MARCHF1: variants seen among roughly 807,000 people sequenced by gnomAD.
MARCHF1 encodes the protein E3 ubiquitin-protein ligase MARCHF1.
MARCHF1 carries 40 observed loss-of-function variants against 54.2 expected under a neutral mutation model. The observed-to-expected ratio is 0.74, with a 90% CI of 0.57 to 0.96. The LOEUF (loss-of-function observed/expected upper bound fraction) is 0.96. MARCHF1 is among the 40% of genes least tolerant of loss of function. The pLI, the probability that MARCHF1 is intolerant of heterozygous loss-of-function variation, is 0.00. For synonymous variants in MARCHF1, 236 were observed against 236.3 expected, an observed-to-expected ratio of 1.00 and a Z score of 0.01; for missense variants, 586 against 656.5, an observed-to-expected ratio of 0.89 and a Z score of 1.17.
At chr4:164,159,933 G>A (rs1579583497) in intron 1 of MARCHF1, among the ~76,000 whole-genome samples, 1 of 152,092 alleles carries the variant, frequency 6.6e-6, no homozygotes, top group African/African-American at 2.4e-5. Context: ...GACATTCAGT[G>A]TTCTGACCTA....
At chr4:163,906,983 AAT>A (rs1751083150) in intron 3 of MARCHF1, among the ~76,000 whole-genome samples, 1 of 152,068 alleles carries the variant, frequency 6.6e-6, no homozygotes, top group Non-Finnish European at 1.5e-5. Flanking sequence ...AATTGTGTTT[AAT>A]ATGTGTGAAC....
chr4:164,176,968 C>CCATATATA (rs1201114627), intron 1 of MARCHF1, among the ~76,000 whole-genome samples: 8 of 43,334 alleles, frequency 1.8e-4, no homozygotes, highest in African/African-American at 7.4e-4. Flanking sequence ...CTCTCTCTCT[C>CCATATATA]TCTCTCTCTC....
chr4:164,006,159 G>C (rs531205528), intron 2 of MARCHF1, among the ~76,000 whole-genome samples: 3 of 152,118 alleles, frequency 2.0e-5, no homozygotes, highest in Non-Finnish European at 4.4e-5. Flanking sequence ...TAAATTGTAA[G>C]TTCTCTGAAA....
chr4:164,198,880 C>T (rs891935182), intron 1 of MARCHF1, among the ~76,000 whole-genome samples: 1 of 152,096 alleles, frequency 6.6e-6, no homozygotes, highest in African/African-American at 2.4e-5. Context: ...GAAACTCTTA[C>T]TATAAGAATA....
At chr4:163,571,287 C>A (rs1034040891) in intron 8 of MARCHF1, among the ~76,000 whole-genome samples, 1 of 152,154 alleles carries the variant, frequency 6.6e-6, no homozygotes, top group African/African-American at 2.4e-5. Context: ...TTTTCCAACT[C>A]CCTCCCTCCA....
At chr4:163,688,535 T>C (rs1317236241) in intron 5 of MARCHF1, among the ~76,000 whole-genome samples, 1 of 152,156 alleles carries the variant, frequency 6.6e-6, no homozygotes, top group Non-Finnish European at 1.5e-5. Context: ...TTTCTTAAAA[T>C]AAGTGAAAAA....
intron 4 of MARCHF1, among the ~76,000 whole-genome samples, chr4:163,793,781 G>A (rs1561080616): frequency 6.6e-6 from 1 of 152,104 alleles, no homozygotes; most frequent in Non-Finnish European, 1.5e-5. Flanking sequence ...CTAATTACCG[G>A]TGCATGCAGC....
intron 1 of MARCHF1, among the ~76,000 whole-genome samples, chr4:164,373,084 A>G (rs1395372639): frequency 2.6e-5 from 4 of 152,276 alleles, no homozygotes; most frequent in African/African-American, 9.6e-5. Context: ...ATGAACCCTT[A>G]CTATTTATTA....
chr4:164,160,705 C>A (rs28704955), intron 1 of MARCHF1, among the ~76,000 whole-genome samples: 28,708 of 151,970 alleles, frequency 0.19, 4,330 homozygotes, highest in African/African-American at 0.41. Context: ...ACAGTGAGTG[C>A]TTTCTCTTTC....
At chr4:164,053,143 A>G (rs1560881356) in intron 2 of MARCHF1, among the ~76,000 whole-genome samples, 1 of 152,182 alleles carries the variant, frequency 6.6e-6, no homozygotes, top group Non-Finnish European at 1.5e-5. Flanking sequence ...ACATTTTGTG[A>G]TTTATAACAC....
chr4:164,329,103 A>G (rs1176327930), intron 1 of MARCHF1, among the ~76,000 whole-genome samples: 1 of 152,318 alleles, frequency 6.6e-6, no homozygotes, highest in Admixed American at 6.5e-5. Flanking sequence ...CACCCCAAAC[A>G]ATATTCAATC....
chr4:163,893,625 C>A (rs1325737915), intron 3 of MARCHF1, among the ~76,000 whole-genome samples: 3 of 152,074 alleles, frequency 2.0e-5, no homozygotes, highest in Non-Finnish European at 4.4e-5. Flanking sequence ...TAAATGTCTT[C>A]CCCATTTTTG....
intron 3 of MARCHF1, among the ~76,000 whole-genome samples, chr4:163,859,750 A>T (rs901032762): frequency 2.0e-5 from 3 of 152,170 alleles, no homozygotes; most frequent in African/African-American, 7.2e-5. Context: ...GCTTCTAGGT[A>T]GGTAACTTTG....
chr4:163,598,152 T>C (rs1347855052), intron 7 of MARCHF1, among the ~76,000 whole-genome samples: 1 of 152,214 alleles, frequency 6.6e-6, no homozygotes, highest in Non-Finnish European at 1.5e-5. Context: ...TCCCAGAAGA[T>C]AAAACTACTT....
intron 4 of MARCHF1, among the ~76,000 whole-genome samples, chr4:163,720,710 G>T (rs554202150): frequency 1.3e-5 from 2 of 152,162 alleles, no homozygotes; most frequent in African/African-American, 4.8e-5. Flanking sequence ...TCACTGAGCT[G>T]TGGTTTGTAG....
chr4:164,235,574 TG>T (rs1666477411), intron 1 of MARCHF1, among the ~76,000 whole-genome samples: 1 of 152,104 alleles, frequency 6.6e-6, no homozygotes, highest in African/African-American at 2.4e-5. Context: ...ATGCAGAAAC[TG>T]GCATGGCAGC....
At chr4:163,604,527 AT>A (rs1741081320) in intron 7 of MARCHF1, among the ~76,000 whole-genome samples, 1 of 152,042 alleles carries the variant, frequency 6.6e-6, no homozygotes, top group Admixed American at 6.6e-5. Context: ...TTTCTAATTG[AT>A]TTACTTTGTC....
At chr4:163,922,421 A>G (rs761930089) in intron 3 of MARCHF1, among the ~76,000 whole-genome samples, 1 of 152,186 alleles carries the variant, frequency 6.6e-6, no homozygotes, top group Non-Finnish European at 1.5e-5. Flanking sequence ...TTTCTGTACT[A>G]AACAGGAAAT....
intron 1 of MARCHF1, among the ~76,000 whole-genome samples, chr4:164,183,607 T>C (rs1313394127): frequency 1.3e-5 from 2 of 152,236 alleles, no homozygotes; most frequent in Non-Finnish European, 2.9e-5. Context: ...TTTGTTGCTT[T>C]GTTTAAATGT....
Sources: allele counts gnomAD v4.1 joint callset (sites outside exome capture counted in the v4.1 genomes callset), GRCh38; gene constraint gnomAD v4.1.1; transcripts MANE v1.5; gene names NCBI Gene and HGNC (gene_info 2026-07-23, HGNC 2026-07-21).